The following SPTBN4 variants were observed in gnomAD, a reference collection of about 807,000 sequenced individuals.
SPTBN4 encodes spectrin beta chain, non-erythrocytic 4.
Under a neutral mutation model 277.8 loss-of-function variants are expected in SPTBN4, and 96 were observed. That is an observed-to-expected ratio of 0.35 (90% CI 0.29 to 0.41). The LOEUF is 0.41. Ranked by LOEUF, SPTBN4 falls within the 10% of genes least tolerant of loss-of-function variation. The probability of loss-of-function intolerance (pLI) is 1.00; values close to 1 mark genes in which losing one functional copy is unlikely to be tolerated. For missense variants in SPTBN4, 3,006 were observed against 3,595.7 expected (o/e 0.84, Z 4.19); for synonymous variants, 1,481 against 1,580.3 (o/e 0.94, Z 1.49).
chr19:40,487,718 A>C lies in SPTBN4; in HGVS notation c.191A>C (p.Lys64Thr). The C allele has an allele frequency of 6.2e-7, 1 of 1,613,420 alleles. No individual in the cohort carries two copies. The highest frequency in any genetic ancestry group is 1.7e-4 in the Middle Eastern group (1 of 6,054). Residue 64 changes from lysine to threonine, a missense_variant, in exon 3 of 36, where the codon AAG becomes ACG. By Grantham distance (78) the Lys-to-Thr change is moderately conservative. Coordinates refer to ENST00000598249, the MANE Select transcript of SPTBN4 (RefSeq NM_020971.3). Reference sequence around the variant, plus strand: ...CCAGATGAGCGGGAAGCCGTGCAGAAGAAAACCTTCACCAAGTGGGTGAAC... The same window carrying C: ...CCAGATGAGCGGGAAGCCGTGCAGACGAAAACCTTCACCAAGTGGGTGAAC... ...ALADEREAVQ[K>T]KTFTKWVNSH...
rs746477778 is a variant in SPTBN4, at chr19:40,504,037, G to C, written c.1570G>C (p.Val524Leu). 6.2e-7 allele frequency: 1 copy of C among 1,613,948 alleles called. No individual in the cohort carries two copies. The highest frequency in any genetic ancestry group is 8.5e-7 in the Non-Finnish European group (1 of 1,179,988). ...CCAGTGGGCCCTGCTAACTGGGCTT[G>C]TGGGTGCCCGGCGGACACGACTTGA... ...LRQWALLTGL[V>L]GARRTRLEQN... The change falls in exon 12 of 36, where the codon GTG becomes CTG. Residue 524 changes from valine to leucine, a missense_variant. Val to Leu is a conservative substitution (Grantham distance 32). Transcript: ENST00000598249.
At position 40,515,051 on chromosome 19, in the gene SPTBN4, G is replaced by A. The variant is rs2080437790; in HGVS notation, c.2766-260G>A. The stretch of plus-strand genomic sequence containing the variant: ...ATCCGGGAGGCAGAGGTTGCAGTGA[G>A]CCACAATCGCGCCACTGCACTCCAG... On this transcript the variant is annotated intron_variant, in intron 14 of 35. Coordinates refer to ENST00000598249, the MANE Select transcript of SPTBN4 (RefSeq NM_020971.3). The surrounding 1 kb of genome is among the most constrained non-coding windows in gnomAD (Gnocchi z 4.1). 1.3e-5 allele frequency among the ~76,000 whole-genome samples: 2 copies of A among 152,118 alleles called. No homozygotes were observed. Among genetic ancestry groups the A allele is most frequent in the African/African-American group, 2.4e-5 (1 of 41,430 alleles).
intron 20 of SPTBN4, among the ~76,000 whole-genome samples, chr19:40,542,775 G>T (rs1284435111): frequency 6.6e-6 from 1 of 151,840 alleles, no homozygotes; most frequent in Admixed American, 6.6e-5. Flanking sequence ...CAAGGCAAGG[G>T]ACCCCATCCT....
At chr19:40,569,973 C>G (rs895377572) in intron 32 of SPTBN4, among the ~76,000 whole-genome samples, 6 of 112,176 alleles carry the variant, frequency 5.3e-5, no homozygotes, top group Admixed American at 1.6e-4. Context: ...CACACACACA[C>G]AGACACACAC....
chr19:40,570,480 C>A lies in SPTBN4; in HGVS notation c.7071C>A (p.Pro2357=). 1 of 1,565,548 alleles carries A rather than the reference C, an allele frequency of 6.4e-7. No individual in the cohort carries two copies. The highest frequency in any genetic ancestry group is 1.1e-5 in the South Asian group (1 of 88,908). ...QPRELPPGRL[P]NGLELPERTP... ...GCGAGCTTCCCCCAGGTCGCCTGCC[C>A]AACGGGCTTGAGCTGCCCGAGCGGA... Residue 2357 remains proline, a synonymous_variant, in exon 33 of 36, where the codon CCC becomes CCA. Coordinates refer to ENST00000598249, the MANE Select transcript of SPTBN4 (RefSeq NM_020971.3).
chr19:40,548,900 G>A (rs755602997), intron 20 of SPTBN4, among the ~76,000 whole-genome samples: 1 of 152,168 alleles, frequency 6.6e-6, no homozygotes, highest in African/African-American at 2.4e-5. Flanking sequence ...CTTTAGTTCC[G>A]GGGTCAGGTA....
intron 24 of SPTBN4, among the ~76,000 whole-genome samples, 197 bp from the exon 25 acceptor site, chr19:40,555,887 A>AG: frequency 6.6e-6 from 1 of 151,918 alleles, no homozygotes; most frequent in African/African-American, 2.4e-5. Context: ...ACTGCACTCC[A>AG]GCCTGAGCAA....
At chr19:40,530,653 G>A (rs1034506080) in intron 18 of SPTBN4, 13 of 889,738 alleles carry the variant, frequency 1.5e-5, no homozygotes, top group Non-Finnish European at 1.6e-5. Context: ...AGGGGAGGGG[G>A]CTCGGGCGCG....
Position 40,549,237 on chromosome 19 carries a change from C to T in SPTBN4, c.4408C>T (p.Gln1470Ter). 1 of 1,548,462 alleles carries T rather than the reference C, an allele frequency of 6.5e-7. No individual in the cohort carries two copies. The highest frequency in any genetic ancestry group is 8.7e-7 in the Non-Finnish European group (1 of 1,147,170). ...GTGGTACCGCGAGGTGGGAGAGCTGCAGGCGCAGACGGCGGCGCTGCCGCT... is the reference window on the plus strand; with the variant it reads ...GTGGTACCGCGAGGTGGGAGAGCTGTAGGCGCAGACGGCGGCGCTGCCGCT... ...EEWYREVGEL[Q>*]AQTAALPLEP... Residue 1470 changes from glutamine to a stop codon, truncating the protein, a stop_gained, in exon 21 of 36, where the codon CAG becomes TAG. Transcript: ENST00000598249. LOFTEE classifies it high-confidence loss of function.
Position 40,554,202 on chromosome 19 carries a change from G to A in SPTBN4, c.4730G>A (p.Arg1577His), listed in dbSNP as rs2080949963. The change falls in exon 23 of 36, where the codon CGC becomes CAC. Residue 1577 changes from arginine (R) to histidine (H), a missense_variant. By Grantham distance (29) the Arg-to-His change is conservative. Coordinates refer to ENST00000598249, the MANE Select transcript of SPTBN4 (RefSeq NM_020971.3). This position sits in a 1 kb window ranked among gnomAD's most constrained non-coding sequence, Gnocchi z 5.7. ...HGPRLEEVLE[R>H]AGALASLRSP... The stretch of plus-strand genomic sequence containing the variant: ...CCGCGCCTGGAGGAGGTGCTGGAGC[G>A]CGCGGGCGCGCTGGCGTCGCTGCGC... 18 of 1,479,328 alleles carry A rather than the reference G, an allele frequency of 1.2e-5. No homozygotes were observed. The highest frequency in any genetic ancestry group is 1.5e-5 in the Non-Finnish European group (17 of 1,127,486). The allele number at this position is 1,479,328 out of a possible 1,614,324, so 91.6% of individuals were successfully genotyped here.
intron 16 of SPTBN4, 58 bp from the exon 17 acceptor site, chr19:40,523,379 C>CT: frequency 6.6e-7 from 1 of 1,515,168 alleles, no homozygotes; most frequent in Non-Finnish European, 8.9e-7. Flanking sequence ...CTGGCAGCCT[C>CT]TCCCAGGTCC....
At position 40,570,575 on chromosome 19, in the gene SPTBN4, G is replaced by C. The variant is rs1336718602; in HGVS notation, c.7166G>C (p.Gly2389Ala). 4 of 1,377,236 alleles carry C rather than the reference G, an allele frequency of 2.9e-6. No homozygotes were observed. In the African/African-American group the frequency reaches 4.6e-5, roughly 16 times the overall value. The allele number at this position is 1,377,236 out of a possible 1,614,324, so 85.3% of individuals were successfully genotyped here. A position where few individuals can be genotyped will look rare whatever the true frequency, so the allele number is the denominator to read the frequency against. ...CGACGGCGGCCGCGGCCCAGAGAGGGTGGTGAGGGCGGGGGAAGCCGGCGC... is the reference window on the plus strand; with the variant it reads ...CGACGGCGGCCGCGGCCCAGAGAGGCTGGTGAGGGCGGGGGAAGCCGGCGC... ...KPRRRPRPREGGEGGGSRRSR... is the reference protein window; with the variant it reads ...KPRRRPRPREAGEGGGSRRSR... The change falls in exon 33 of 36, where the codon GGT becomes GCT. Residue 2389 changes from glycine (G) to alanine (A), a missense_variant. Around this residue, in one of 5 missense-constraint regions of SPTBN4, gnomAD observed 630 missense variants for 677.6 expected, o/e 0.93. Transcript: ENST00000598249.
chr19:40,488,513 G>A (rs1321519110), intron 3 of SPTBN4, among the ~76,000 whole-genome samples: 1 of 152,152 alleles, frequency 6.6e-6, no homozygotes, highest in Non-Finnish European at 1.5e-5. Context: ...ACAAACAGCT[G>A]GGCGCTGTGG....
Position 40,487,833 on chromosome 19 carries a change from G to A in SPTBN4, c.306G>A (p.Leu102=). Residue 102 remains leucine, a synonymous_variant, in exon 3 of 36, where the codon CTG becomes CTA. Transcript: ENST00000598249. ...GFVLTRLLEV[L]SGEQLPRPTR... is the part of the protein sequence containing the mutation. Reference sequence around the variant, plus strand: ...TGCTCACGCGGCTCCTGGAAGTGCTGTCTGGGGAGCAGCTGGTGAGGGGGC... The same window carrying A: ...TGCTCACGCGGCTCCTGGAAGTGCTATCTGGGGAGCAGCTGGTGAGGGGGC... The A allele has an allele frequency of 6.2e-7, 1 of 1,606,486 alleles. No homozygotes were observed. The highest frequency in any genetic ancestry group is 2.2e-5 in the East Asian group (1 of 44,502).
In SPTBN4 at chr19:40,567,705, C is replaced by T; in HGVS notation, c.6379C>T (p.Pro2127Ser). 1 of 1,554,750 alleles carries T rather than the reference C, an allele frequency of 6.4e-7. No homozygotes were observed. The highest frequency in any genetic ancestry group is 8.7e-7 in the Non-Finnish European group (1 of 1,152,440). Reference sequence around the variant, plus strand: ...GGAACAGAGCAAGCAGCCGCCTACCCCACTGCTGGGGCGCAAGTTCTTTGG... The same window carrying T: ...GGAACAGAGCAAGCAGCCGCCTACCTCACTGCTGGGGCGCAAGTTCTTTGG... ...KAEQSKQPPT[P>S]LLGRKFFGDP... Residue 2127 changes from proline to serine, a missense_variant, in exon 31 of 36, where the codon CCA becomes TCA. Physicochemically the swap from Pro to Ser is moderately conservative, Grantham distance 74. This residue lies in a region of SPTBN4 where 630 missense variants were observed against 677.6 expected (regional missense o/e 0.93). Coordinates refer to ENST00000598249, the MANE Select transcript of SPTBN4 (RefSeq NM_020971.3).
At chr19:40,518,932 T>C (rs1200418911) in intron 15 of SPTBN4, among the ~76,000 whole-genome samples, 1 of 152,290 alleles carries the variant, frequency 6.6e-6, no homozygotes, top group Middle Eastern at 3.4e-3. Context: ...TAAATCTAAA[T>C]ATCTAACGTG....
intron 2 of SPTBN4, among the ~76,000 whole-genome samples, chr19:40,474,455 G>C (rs994153639): frequency 3.4e-5 from 5 of 149,244 alleles, no homozygotes; most frequent in African/African-American, 1.2e-4. Context: ...TTTTGAGTCA[G>C]GGTCTCACTC....
chr19:40,474,573 G>A (rs2079925797), intron 2 of SPTBN4, among the ~76,000 whole-genome samples: 2 of 151,756 alleles, frequency 1.3e-5, no homozygotes, highest in Non-Finnish European at 2.9e-5. Flanking sequence ...GGAACTACAG[G>A]CATGCGCCAC....
At chr19:40,498,551 G>A (rs1184923540) in intron 7 of SPTBN4, among the ~76,000 whole-genome samples, 8 of 150,766 alleles carry the variant, frequency 5.3e-5, no homozygotes, top group East Asian at 1.9e-4. Flanking sequence ...GACTACAGGC[G>A]CCCGCCACCA....
Sources: gnomAD v4.1 joint callset for allele counts (sites outside exome capture counted in the v4.1 genomes callset) on GRCh38, gnomAD v4.1.1 for gene constraint, gnomAD v4.1.1 regional missense constraint, Gnocchi (gnomAD v3.1) non-coding constraint, MANE v1.5 for transcripts, NCBI Gene and HGNC (gene_info 2026-07-23, HGNC 2026-07-21) for gene names.